Variants in FER1L6 observed in about 807,000 individuals in gnomAD.
FER1L6 encodes the protein fer-1-like protein 6.
In FER1L6, 177 loss-of-function variants were observed where a neutral mutation model predicts 219.2. The observed-to-expected ratio is 0.81, with a 90% CI of 0.71 to 0.91. FER1L6 has a LOEUF of 0.91. Among genes scored for constraint, FER1L6 ranks in the 40% least tolerant of loss-of-function variants. FER1L6 has a pLI of 0.00. For synonymous variants in FER1L6, 768 were observed against 824.3 expected (o/e 0.93, Z 1.17); for missense variants, 2,153 against 2,259.9 (o/e 0.95, Z 0.96).
intron 19 of FER1L6, among the ~76,000 whole-genome samples, chr8:124,036,952 C>G (rs1021358907): frequency 6.6e-6 from 1 of 152,178 alleles, no homozygotes; most frequent in African/African-American, 2.4e-5. Flanking sequence ...GGTGGAAAAA[C>G]TAGTGGGTGA....
chr8:124,075,452 T>C (rs1821243287), intron 31 of FER1L6, among the ~76,000 whole-genome samples: 1 of 152,196 alleles, frequency 6.6e-6, no homozygotes, highest in Non-Finnish European at 1.5e-5. Flanking sequence ...CGCATGGAGC[T>C]GTCATCACTT....
chr8:124,057,430 G>A (rs1190964543), intron 22 of FER1L6, among the ~76,000 whole-genome samples: 1 of 151,990 alleles, frequency 6.6e-6, no homozygotes, highest in Admixed American at 6.6e-5. Flanking sequence ...GTTTTACTAT[G>A]TTGTAATAAA....
In FER1L6 at chr8:124,003,196, TC is replaced by T; in HGVS notation, c.1552del (p.His518IlefsTer45). 1.1e-5 allele frequency: 18 copies of T among 1,613,972 alleles called. No homozygotes were observed. The highest frequency in any genetic ancestry group is 1.5e-5 in the Non-Finnish European group (18 of 1,179,956). Reference protein sequence around the residue: ...GNFGNLIDGGSHHGSKKSAES... With the variant: ...GNFGNLIDGGXHHGSKKSAES... ...TTTTGGAAACCTGATTGATGGAGGA[TC>T]CCATCATGGGAGTAAGAAGTCAGCT... On this transcript the variant is annotated frameshift_variant, in exon 13 of 41. Coordinates refer to ENST00000522917, the MANE Select transcript of FER1L6 (RefSeq NM_001039112.2). LOFTEE classifies it high-confidence loss of function.
chr8:123,897,633 A>G (rs941733355), intron 1 of FER1L6, among the ~76,000 whole-genome samples: 6 of 152,232 alleles, frequency 3.9e-5, no homozygotes, highest in African/African-American at 9.6e-5. Flanking sequence ...GTTAAGTATA[A>G]TGATGATTTT....
rs142013383 is a variant in FER1L6 at position 124,037,677 on chromosome 8, A to C, written c.2465-2205A>C. Reference sequence around the variant, plus strand: ...TATGGTTGCTGTGTTCTCAGGCTCCATATTGGTCCCCATGCAGCCAGACAG... The same window carrying C: ...TATGGTTGCTGTGTTCTCAGGCTCCCTATTGGTCCCCATGCAGCCAGACAG... On this transcript the variant is annotated intron_variant, in intron 19 of 40. Transcript: ENST00000522917. 5.5e-3 allele frequency among the ~76,000 whole-genome samples: 841 copies of C among 152,282 alleles called. 12 individuals carry two copies. Among genetic ancestry groups the C allele is most frequent in the African/African-American group, 0.018 (766 of 41,558 alleles).
chr8:124,021,751 A>T, intron 17 of FER1L6, 82 bp downstream of exon 17: 1 of 1,520,054 alleles, frequency 6.6e-7, no homozygotes, highest in Non-Finnish European at 9.0e-7. Context: ...GGTACGGGTG[A>T]AATATGAATC....
At chr8:124,014,174 A>G (rs781716552) in intron 15 of FER1L6, 1 of 152,582 alleles carries the variant, frequency 6.6e-6, no homozygotes, top group Non-Finnish European at 1.5e-5. Flanking sequence ...AGAAGCTTAT[A>G]TATATCCTTC....
intron 1 of FER1L6, among the ~76,000 whole-genome samples, chr8:123,899,450 C>T (rs1000802973): frequency 6.6e-6 from 1 of 152,080 alleles, no homozygotes; most frequent in Non-Finnish European, 1.5e-5. Context: ...GATTTTCTCC[C>T]ACTCTGTGGG....
intron 1 of FER1L6, among the ~76,000 whole-genome samples, chr8:123,912,279 TA>T (rs547671336): frequency 2.8e-5 from 4 of 145,174 alleles, no homozygotes; most frequent in East Asian, 2.0e-4. Flanking sequence ...TGTCAATGTT[TA>T]AAAAAAAAGA....
At chr8:123,860,246 T>C (rs1411200809) in intron 1 of FER1L6, among the ~76,000 whole-genome samples, 3 of 90,580 alleles carry the variant, frequency 3.3e-5, no homozygotes, top group African/African-American at 4.9e-5. Context: ...TTTTTTGTTC[T>C]TGCGATAGTT....
intron 1 of FER1L6, among the ~76,000 whole-genome samples, chr8:123,879,922 C>T (rs1043175644): frequency 2.6e-5 from 4 of 152,126 alleles, no homozygotes; most frequent in South Asian, 2.1e-4. Context: ...GTTAAGGTTG[C>T]CATGGGGCAG....
chr8:124,096,327 C>A (rs993339157), intron 35 of FER1L6, among the ~76,000 whole-genome samples: 1 of 152,144 alleles, frequency 6.6e-6, no homozygotes, highest in African/African-American at 2.4e-5. Context: ...AAATGCTAAA[C>A]CTTTGCTTAC....
chr8:124,098,792 G>C (rs1482882476), intron 37 of FER1L6, among the ~76,000 whole-genome samples: 1 of 152,086 alleles, frequency 6.6e-6, no homozygotes, highest in Non-Finnish European at 1.5e-5. Flanking sequence ...CTGACCTTCT[G>C]GAAAATGTGA....
intron 1 of FER1L6, among the ~76,000 whole-genome samples, chr8:123,931,359 C>G (rs1813754731): frequency 6.6e-6 from 1 of 152,248 alleles, no homozygotes; most frequent in South Asian, 2.1e-4. Flanking sequence ...TTTGTGGGAT[C>G]AAGGAGGGGT....
chr8:123,859,093 G>A (rs1398810513), intron 1 of FER1L6, among the ~76,000 whole-genome samples: 1 of 151,962 alleles, frequency 6.6e-6, no homozygotes, highest in Non-Finnish European at 1.5e-5. Context: ...TCTGCCTCCT[G>A]GACTCAAGCA....
intron 20 of FER1L6, among the ~76,000 whole-genome samples, chr8:124,041,374 G>C (rs1285444971): frequency 6.6e-6 from 1 of 152,208 alleles, no homozygotes; most frequent in African/African-American, 2.4e-5. Context: ...TGTTCTCCAG[G>C]GCAAAGCCCA....
rs558657749 is a variant in FER1L6, at chr8:124,045,861, C to T, written c.2684C>T (p.Pro895Leu). 23 of 1,614,030 alleles carry T rather than the reference C, an allele frequency of 1.4e-5. No homozygotes were observed. The highest frequency in any genetic ancestry group is 1.7e-4 in the Middle Eastern group (1 of 6,060). ...HGDVKELAES[P>L]PLVVVELYDS... ...GATGTGAAGGAGCTGGCAGAGTCCC[C>T]GCCCTTAGTGGTGGTGGAGCTGTAT... The change falls in exon 21 of 41, where the codon CCG becomes CTG. Residue 895 changes from proline (P) to leucine (L), a missense_variant. Transcript: ENST00000522917.
chr8:123,938,541 ATTTTTTTTT>A lies in FER1L6; in HGVS notation c.-7-17436_-7-17428del, dbSNP rs11301898. ...TAAAAGCTTATACAATTTACCTGAAATTTTTTTTTTTTTTTTTTTTTTTGAGACAGATCC... is the reference window on the plus strand; with the variant it reads ...TAAAAGCTTATACAATTTACCTGAAATTTTTTTTTTTTTTGAGACAGATCC... On this transcript the variant is annotated intron_variant, in intron 1 of 40. Coordinates refer to ENST00000522917, the MANE Select transcript of FER1L6 (RefSeq NM_001039112.2). 3.5e-3 allele frequency among the ~76,000 whole-genome samples: 326 copies of A among 93,692 alleles called. 1 individual carries two copies. The highest frequency in any genetic ancestry group is 0.013 in the African/African-American group (313 of 24,072). The allele number at this position is 93,692 out of a possible 152,430, so 61.5% of individuals were successfully genotyped here. A position where few individuals can be genotyped will look rare whatever the true frequency, so the allele number is the denominator to read the frequency against.
intron 10 of FER1L6, among the ~76,000 whole-genome samples, chr8:123,980,196 G>A (rs1425306705): frequency 6.6e-6 from 1 of 152,138 alleles, no homozygotes; most frequent in East Asian, 1.9e-4. Flanking sequence ...GAACATGGGG[G>A]AATCAATAAA....
Sources: gnomAD v4.1 joint callset for allele counts (sites outside exome capture counted in the v4.1 genomes callset) on GRCh38, gnomAD v4.1.1 for gene constraint, MANE v1.5 for transcripts, NCBI Gene and HGNC (gene_info 2026-07-23, HGNC 2026-07-21) for gene names.